Variants in NDE1 observed in about 807,000 individuals in gnomAD.
NDE1 encodes nudE neurodevelopment protein 1, also known as nuclear distribution protein nudE homolog 1.
In NDE1, 28 loss-of-function variants were observed where a neutral mutation model predicts 43.4. That is an observed-to-expected ratio of 0.65 (90% CI 0.48 to 0.89). The LOEUF is 0.89. Among genes scored for constraint, NDE1 ranks in the 40% least tolerant of loss-of-function variants. The pLI is 0.00. For synonymous variants in NDE1, 184 were observed against 172.0 expected (o/e 1.07, Z -0.55); for missense variants, 441 against 434.1 (o/e 1.02, Z -0.14).
upstream of NDE1, among the ~76,000 whole-genome samples, chr16:15,647,997 C>A (rs1445779762): frequency 6.8e-6 from 1 of 147,136 alleles, no homozygotes; most frequent in Non-Finnish European, 1.5e-5. Flanking sequence ...TATGCCACTG[C>A]ACTCCAGCCT....
At chr16:15,667,851 C>T (rs1028577855) in intron 3 of NDE1, among the ~76,000 whole-genome samples, 20 of 151,474 alleles carry the variant, frequency 1.3e-4, no homozygotes, top group Admixed American at 9.9e-4. Context: ...AGGCTGGTCT[C>T]GAACTCCTGA....
intron 8 of NDE1, among the ~76,000 whole-genome samples, chr16:15,699,105 A>T (rs1392369896): frequency 6.6e-6 from 1 of 151,970 alleles, no homozygotes; most frequent in African/African-American, 2.4e-5. Flanking sequence ...ACTGGTCTCA[A>T]ACCTCCTGGC....
intron 1 of NDE1, among the ~76,000 whole-genome samples, chr16:15,659,999 G>A (rs1197848852): frequency 6.6e-6 from 1 of 151,896 alleles, no homozygotes; most frequent in Non-Finnish European, 1.5e-5. Context: ...TGCCCGCCTC[G>A]GCCTCCCAAA....
At position 15,708,817 on chromosome 16, in the gene NDE1, C is replaced by T. The variant is rs373899395; in HGVS notation, c.947+11957C>T. On this transcript the variant is annotated intron_variant, in intron 8 of 8. Coordinates refer to ENST00000396354, the MANE Select transcript of NDE1 (RefSeq NM_017668.3). ...AGGCATGATACCTGGTGCATCACTG[C>T]GAAGTTTCCTGTGGGGGGGGCCCTC... 2.9e-5 allele frequency: 47 copies of T among 1,608,956 alleles called. No individual in the cohort carries two copies. In the Admixed American group the frequency reaches 3.0e-4, roughly 10 times the overall value.
intron 1 of NDE1, among the ~76,000 whole-genome samples, chr16:15,657,483 A>G (rs1024883286): frequency 2.0e-5 from 3 of 152,224 alleles, no homozygotes; most frequent in African/African-American, 7.2e-5. Context: ...TTTGATGAGT[A>G]CATATTACAT....
At chr16:15,721,127 C>G (rs1027423896) in intron 8 of NDE1, 32 of 1,516,038 alleles carry the variant, frequency 2.1e-5, no homozygotes, top group Admixed American at 1.9e-4. Context: ...CCGTGAGCGG[C>G]ACCTCAGGAG....
chr16:15,669,026 A>T (rs1423998258), intron 3 of NDE1, among the ~76,000 whole-genome samples: 2 of 151,624 alleles, frequency 1.3e-5, no homozygotes, highest in African/African-American at 4.9e-5. Context: ...CAGCCTCCCG[A>T]GTAGCTAGGA....
intron 5 of NDE1, among the ~76,000 whole-genome samples, chr16:15,689,278 C>T (rs1232555640): frequency 6.6e-6 from 1 of 152,106 alleles, no homozygotes; most frequent in Non-Finnish European, 1.5e-5. Flanking sequence ...TTGCTTGAGC[C>T]TAGGAGTTCA....
At position 15,725,023 on chromosome 16, in the gene NDE1, G is replaced by C; in HGVS notation, c.*772G>C. On this transcript the variant is annotated 3_prime_UTR_variant, in exon 9 of 9. Coordinates refer to ENST00000396354, the MANE Select transcript of NDE1 (RefSeq NM_017668.3). ...GGTGCCAAGAGACTGGTTAGTCAAAGCCTCTAGAAGGGGATCCTCGTTGAA... is the reference window on the plus strand; with the variant it reads ...GGTGCCAAGAGACTGGTTAGTCAAACCCTCTAGAAGGGGATCCTCGTTGAA... 1 of 1,591,740 alleles carries C rather than the reference G, an allele frequency of 6.3e-7. No individual in the cohort carries two copies. The highest frequency in any genetic ancestry group is 8.6e-7 in the Non-Finnish European group (1 of 1,161,806).
rs147937192 is a variant in NDE1 at position 15,705,319 on chromosome 16, CT to C, written c.947+8460del. 3.2e-4 allele frequency among the ~76,000 whole-genome samples: 49 copies of C among 152,322 alleles called. No individual in the cohort carries two copies. In the East Asian group the frequency reaches 6.2e-3, roughly 19 times the overall value. ...TTTAGCTCCAGCCAGTAGGACACCC[CT>C]GTCTCTCCTTAATGCTGCCATCTCC... On this transcript the variant is annotated intron_variant, in intron 8 of 8. Coordinates refer to ENST00000396354, the MANE Select transcript of NDE1 (RefSeq NM_017668.3).
At chr16:15,719,485 G>T in intron 8 of NDE1, 1 of 1,579,118 alleles carries the variant, frequency 6.3e-7, no homozygotes. Context: ...GGACCCCAGA[G>T]GAGGACGAAA....
At chr16:15,697,157 C>T (rs926021379) in intron 8 of NDE1, 13 of 738,318 alleles carry the variant, frequency 1.8e-5, no homozygotes, top group East Asian at 1.3e-4. Context: ...ATCCTCCCAC[C>T]TCAGTCCCCC....
At chr16:15,666,024 G>T (rs1324781896) in intron 2 of NDE1, among the ~76,000 whole-genome samples, 2 of 152,118 alleles carry the variant, frequency 1.3e-5, no homozygotes, top group Non-Finnish European at 2.9e-5. Flanking sequence ...CCTAAGTGCT[G>T]GGATTACAGG....
intron 8 of NDE1, among the ~76,000 whole-genome samples, chr16:15,698,538 A>G (rs967129024): frequency 6.6e-6 from 1 of 151,804 alleles, no homozygotes; most frequent in African/African-American, 2.4e-5. Flanking sequence ...CATGGCATGC[A>G]CATAACTTTG....
intron 5 of NDE1, 43 bp from the exon 6 acceptor site, chr16:15,691,101 C>T (rs1183989156): frequency 6.2e-7 from 1 of 1,612,802 alleles, no homozygotes; most frequent in East Asian, 2.2e-5. Flanking sequence ...AGCCACTGCG[C>T]CTGGCTGAGG....
At chr16:15,690,832 A>T (rs1391638332) in intron 5 of NDE1, among the ~76,000 whole-genome samples, 1 of 152,038 alleles carries the variant, frequency 6.6e-6, no homozygotes, top group Non-Finnish European at 1.5e-5. Context: ...TTTGAGACGT[A>T]GTCTTGCTCT....
At chr16:15,663,424 A>G (rs906578149) in intron 1 of NDE1, among the ~76,000 whole-genome samples, 55 of 150,572 alleles carry the variant, frequency 3.7e-4, no homozygotes, top group African/African-American at 1.3e-3. Flanking sequence ...ATTTTTTTTT[A>G]GTAGAGACGG....
Position 15,720,156 on chromosome 16 carries a change from G to T in NDE1, c.948-4035G>T, listed in dbSNP as rs1283937185. 1.9e-6 allele frequency: 3 copies of T among 1,613,988 alleles called. No homozygotes were observed. The African/African-American group carries it at 4.0e-5, about 22-fold the overall frequency. ...AAGCTCCTAGTGTCACCCACCTGCA[G>T]TTTGCGTAGCTGCTTGATGGCTTCC... On this transcript the variant is annotated intron_variant, in intron 8 of 8. Transcript: ENST00000396354.
chr16:15,703,910 C>T (rs1218512799), intron 8 of NDE1: 2 of 1,593,116 alleles, frequency 1.3e-6, no homozygotes, highest in Non-Finnish European at 1.7e-6. Flanking sequence ...TTGCTTTGTT[C>T]TGGGTTGTTG....
Sources: allele counts gnomAD v4.1 joint callset (sites outside exome capture counted in the v4.1 genomes callset), GRCh38; gene constraint gnomAD v4.1.1; transcripts MANE v1.5; gene names NCBI Gene and HGNC (gene_info 2026-07-23, HGNC 2026-07-21).